Variants in DALRD3 observed in about 807,000 individuals in gnomAD.
The protein encoded by DALRD3 is DALR anticodon binding domain containing 3, also known as DALR anticodon-binding domain-containing protein 3.
In DALRD3, 47 loss-of-function variants were observed where a neutral mutation model predicts 56.7. The observed-to-expected ratio is 0.83, with a 90% confidence interval of 0.66 to 1.06. The LOEUF (loss-of-function observed/expected upper bound fraction) is 1.06. DALRD3 is among the 50% of genes least tolerant of loss of function. DALRD3 has a pLI of 0.00. For missense variants in DALRD3, 787 were observed against 724.0 expected, an observed-to-expected ratio of 1.09 and a Z score of -1.00; for synonymous variants, 347 against 308.5, an observed-to-expected ratio of 1.12 and a Z score of -1.31.
chr3:49,019,275 G>T (rs2093130780), upstream of DALRD3, among the ~76,000 whole-genome samples: 2 of 151,860 alleles, frequency 1.3e-5, no homozygotes, highest in African/African-American at 4.8e-5. Flanking sequence ...GTTTCGCCAT[G>T]TTGGCCAGGC....
chr3:49,017,893 C>A, intron 2 of DALRD3, 24 bp from the exon 3 acceptor site: 1 of 1,583,602 alleles, frequency 6.3e-7, no homozygotes. Flanking sequence ...GCGGCCGCCT[C>A]AGTCTGAGCA....
rs1451782415 is a variant in DALRD3 at position 49,017,652 on chromosome 3, G to C, written c.679C>G (p.Arg227Gly). 1.9e-6 allele frequency: 3 copies of C among 1,614,072 alleles called. No homozygotes were observed. The highest frequency in any genetic ancestry group is 1.7e-6 in the Non-Finnish European group (2 of 1,180,042). Residue 227 changes from arginine to glycine, a missense_variant, in exon 3 of 12, where the codon CGC (arginine) becomes GGC (glycine). Arg to Gly is a moderately radical substitution (Grantham distance 125). Coordinates refer to ENST00000341949, the MANE Select transcript of DALRD3 (RefSeq NM_001009996.3). ...AGGTTGGGGTCATAGCCAGCTGTGC[G>C]GCCCTGTTCTTCCACCAGCTCCTTC... Reference protein sequence around the residue: ...CLKELVEEQGRTAGYDPNLDN... With the variant: ...CLKELVEEQGGTAGYDPNLDN...
In DALRD3 at chr3:49,018,157, G is replaced by C. The variant is rs753833477; in HGVS notation, c.327C>G (p.Ala109=). 2 of 1,453,804 alleles carry C rather than the reference G, an allele frequency of 1.4e-6. No individual in the cohort carries two copies. Among genetic ancestry groups the C allele is most frequent in the Middle Eastern group, 2.1e-4 (1 of 4,696 alleles). The allele number at this position is 1,453,804 out of a possible 1,614,324, so 90.1% of individuals were successfully genotyped here. ...CGCGCTGGCCCAGCGAGGCAGGCGA[G>C]GCGGGCGTGGCATAGGCGGCCACGG... ...LSAVAAYATP[A]SPASLGQRVL... is the part of the protein sequence containing the mutation. Residue 109 remains alanine (A), a synonymous_variant, in exon 2 of 12, where the codon GCC becomes GCG. Transcript: ENST00000341949.
chr3:49,017,598 G>C lies in DALRD3; in HGVS notation c.718+15C>G. 6.2e-7 allele frequency: 1 copy of C among 1,614,020 alleles called. No individual in the cohort carries two copies. The highest frequency in any genetic ancestry group is 8.5e-7 in the Non-Finnish European group (1 of 1,179,916). On this transcript the variant is annotated intron_variant, in intron 3 of 11. Transcript: ENST00000341949. ...CCTCCTGCCTTTTCTGGCCCTGCTAGGCTTCAGGTCCTACCCAGACAGTTG... is the reference window on the plus strand; with the variant it reads ...CCTCCTGCCTTTTCTGGCCCTGCTACGCTTCAGGTCCTACCCAGACAGTTG...
chr3:49,018,143 A>G lies in DALRD3; in HGVS notation c.341T>C (p.Leu114Pro). ...AYATPASPAS[L>P]GQRVLLHCPA... ...GCAGTGTAGTAAGACGCGCTGGCCCAGCGAGGCAGGCGAGGCGGGCGTGGC... is the reference window on the plus strand; with the variant it reads ...GCAGTGTAGTAAGACGCGCTGGCCCGGCGAGGCAGGCGAGGCGGGCGTGGC... The change falls in exon 2 of 12, where the codon CTG becomes CCG. Residue 114 changes from leucine to proline, a missense_variant. Leu to Pro is a moderately conservative substitution (Grantham distance 98, BLOSUM62 -3). Transcript: ENST00000341949. 9 of 1,465,658 alleles carry G rather than the reference A, an allele frequency of 6.1e-6. No individual in the cohort carries two copies. The highest frequency in any genetic ancestry group is 8.0e-6 in the Non-Finnish European group (9 of 1,119,732). The allele number at this position is 1,465,658 out of a possible 1,614,324, so 90.8% of individuals were successfully genotyped here. A position where few individuals can be genotyped will look rare whatever the true frequency, so the allele number is the denominator to read the frequency against.
chr3:49,016,701 G>A, intron 6 of DALRD3, 28 bp from the exon 7 acceptor site: 3 of 1,611,772 alleles, frequency 1.9e-6, no homozygotes, highest in Non-Finnish European at 2.5e-6. Context: ...GAAGGCCAGT[G>A]GGCAGGGTCC....
upstream of DALRD3, chr3:49,019,075 G>T: frequency 2.1e-6 from 2 of 973,594 alleles, no homozygotes; most frequent in Non-Finnish European, 1.2e-6. Context: ...AGATATGGGT[G>T]TTTTTTTGTT....
At position 49,018,520 on chromosome 3, in the gene DALRD3, G is replaced by A. The variant is rs534777181; in HGVS notation, c.45C>T (p.Leu15=). The A allele has an allele frequency of 6.3e-7, 1 of 1,585,456 alleles. No individual in the cohort carries two copies. The change falls in exon 1 of 12, where the codon CTC becomes CTT. Residue 15 remains leucine, a synonymous_variant. Transcript: ENST00000341949. ...RLGVGETLGA[L]NAALGPGGPV... is the part of the protein sequence containing the mutation. ...GACCGCCTGGCCCCAGGGCCGCGTT[G>A]AGGGCCCCCAGCGTCTCCCCGACCC...
rs755267600 is a variant in DALRD3 at position 49,016,691 on chromosome 3, G to A, written c.1002-18C>T. 5 of 1,609,570 alleles carry A rather than the reference G, an allele frequency of 3.1e-6. No homozygotes were observed. Among genetic ancestry groups the A allele is most frequent in the Non-Finnish European group, 4.2e-6 (5 of 1,177,010 alleles). ...GCCGGAACCTGTGTTTGGAAGAGAG[G>A]AAGGCCAGTGGGCAGGGTCCTGGGT... On this transcript the variant is annotated intron_variant, in intron 6 of 11. Coordinates refer to ENST00000341949, the MANE Select transcript of DALRD3 (RefSeq NM_001009996.3).
At chr3:49,020,127 G>C, upstream of DALRD3, 2 of 533,994 alleles carry the variant, frequency 3.7e-6, no homozygotes, top group Middle Eastern at 6.4e-4. Flanking sequence ...GGCCAGGGCT[G>C]AGGCCCTGCT....
rs201113233 is a variant in DALRD3 at position 49,017,553 on chromosome 3, C to T, written c.719-40G>A. The T allele has an allele frequency of 1.2e-3, 1,993 of 1,614,110 alleles. 5 individuals carry two copies. The highest frequency in any genetic ancestry group is 1.0e-3 in the Non-Finnish European group (1,220 of 1,180,018). ...GACAGGTGCTGAGACTGACAAGAAG[C>T]AGAGATGTGCCCCTAACCCCCTCCT... On this transcript the variant is annotated intron_variant, in intron 3 of 11. Transcript: ENST00000341949.
Position 49,018,181 on chromosome 3 carries a change from G to C in DALRD3, c.303C>G (p.Ala101=). ...AGGCGGGCGTGGCATAGGCGGCCAC[G>C]GCGCTGAGGACGCGCTCGAAGACGG... ...RSAVFERVLS[A]VAAYATPASP... is the part of the protein sequence containing the mutation. The change falls in exon 2 of 12, where the codon GCC becomes GCG. Residue 101 remains alanine, a synonymous_variant. Transcript: ENST00000341949. 2.1e-6 allele frequency: 3 copies of C among 1,449,222 alleles called. No individual in the cohort carries two copies. Among genetic ancestry groups the C allele is most frequent in the South Asian group, 1.5e-5 (1 of 68,206 alleles). 89.8% of individuals were successfully genotyped at this position (1,449,222 alleles called of 1,614,324 possible).
chr3:49,018,610 T>G (rs577373339), upstream of DALRD3: 4 of 1,499,022 alleles, frequency 2.7e-6, no homozygotes, highest in South Asian at 5.1e-5. Context: ...TTTAGGGAGG[T>G]GGAACTTCCG....
At chr3:49,015,765 C>A in intron 11 of DALRD3, 39 bp downstream of exon 11, 3 of 1,614,114 alleles carry the variant, frequency 1.9e-6, no homozygotes, top group Non-Finnish European at 1.7e-6. Flanking sequence ...TTACCCTATA[C>A]CTCTCTGCAC....
chr3:49,019,711 G>A (rs2093135682), upstream of DALRD3, among the ~76,000 whole-genome samples: 1 of 152,000 alleles, frequency 6.6e-6, no homozygotes, highest in Admixed American at 6.6e-5. Flanking sequence ...CCGACCTCAG[G>A]TGATCCGCCT....
intron 10 of DALRD3, 26 bp downstream of exon 10, chr3:49,015,947 G>C: frequency 6.2e-7 from 1 of 1,614,172 alleles, no homozygotes; most frequent in Non-Finnish European, 8.5e-7. Context: ...ATAGAGTGTA[G>C]AGTGTCCTGG....
Position 49,018,170 on chromosome 3 carries a change from T to C in DALRD3, c.314A>G (p.Tyr105Cys). The change falls in exon 2 of 12, where the codon TAT becomes TGT. Residue 105 changes from tyrosine (Y) to cysteine (C), a missense_variant. Coordinates refer to ENST00000341949, the MANE Select transcript of DALRD3 (RefSeq NM_001009996.3). ...CGAGGCAGGCGAGGCGGGCGTGGCA[T>C]AGGCGGCCACGGCGCTGAGGACGCG... ...FERVLSAVAA[Y>C]ATPASPASLG... 1 of 1,452,926 alleles carries C rather than the reference T, an allele frequency of 6.9e-7. No homozygotes were observed. The highest frequency in any genetic ancestry group is 9.0e-7 in the Non-Finnish European group (1 of 1,114,234). The allele number at this position is 1,452,926 out of a possible 1,614,324, so 90.0% of individuals were successfully genotyped here.
Position 49,018,113 on chromosome 3 carries a change from G to C in DALRD3, c.371C>G (p.Ala124Gly). 1.3e-6 allele frequency: 2 copies of C among 1,483,798 alleles called. No individual in the cohort carries two copies. Among genetic ancestry groups the C allele is most frequent in the Non-Finnish European group, 1.8e-6 (2 of 1,126,850 alleles). The allele number at this position is 1,483,798 out of a possible 1,614,324, so 91.9% of individuals were successfully genotyped here. The stretch of plus-strand genomic sequence containing the variant: ...GAGTGCGCAGGGGGAGCTGCGCAGT[G>C]CTGGGCAGTGTAGTAAGACGCGCTG... ...LGQRVLLHCP[A>G]LRSSPCALRL... is the part of the protein sequence containing the mutation. Residue 124 changes from alanine to glycine, a missense_variant, in exon 2 of 12, where the codon GCA becomes GGA. Physicochemically the swap from Ala to Gly is moderately conservative, Grantham distance 60. Coordinates refer to ENST00000341949, the MANE Select transcript of DALRD3 (RefSeq NM_001009996.3).
At chr3:49,017,576 C>T (rs760668877) in intron 3 of DALRD3, 37 bp downstream of exon 3, 2 of 1,614,028 alleles carry the variant, frequency 1.2e-6, no homozygotes, top group Non-Finnish European at 8.5e-7. Flanking sequence ...CTAACCCCCT[C>T]CTGCCTTTTC....
Sources: allele counts gnomAD v4.1 joint callset (sites outside exome capture counted in the v4.1 genomes callset), GRCh38; gene constraint gnomAD v4.1.1; transcripts MANE v1.5; gene names NCBI Gene and HGNC (gene_info 2026-07-23, HGNC 2026-07-21).